ATAD2B: variants seen among roughly 807,000 people sequenced by gnomAD.
The protein encoded by ATAD2B is ATPase family AAA domain containing 2B.
Under a neutral mutation model 167.6 loss-of-function variants are expected in ATAD2B, and 40 were observed. The observed-to-expected ratio is 0.24, with a 90% CI of 0.19 to 0.31. ATAD2B has a LOEUF of 0.31. ATAD2B is among the 10% of genes least tolerant of loss of function. ATAD2B has a pLI of 1.00. For synonymous variants in ATAD2B, 579 were observed against 596.5 expected (o/e 0.97, Z 0.43); for missense variants, 1,242 against 1,757.2 (o/e 0.71, Z 5.24).
intron 16 of ATAD2B, among the ~76,000 whole-genome samples, chr2:23,820,090 T>C (rs1300440602): frequency 6.6e-6 from 1 of 152,018 alleles, no homozygotes; most frequent in African/African-American, 2.4e-5. Context: ...ACTATTTACT[T>C]AAGTGTTATG....
intron 18 of ATAD2B, among the ~76,000 whole-genome samples, chr2:23,807,826 AAAAT>A (rs1246823149): frequency 1.6e-5 from 2 of 122,048 alleles, no homozygotes; most frequent in Non-Finnish European, 3.2e-5. Flanking sequence ...AAAAAAAAAA[AAAAT>A]ATATATATAT....
intron 15 of ATAD2B, among the ~76,000 whole-genome samples, chr2:23,825,525 T>C (rs541093557): frequency 6.6e-6 from 1 of 152,326 alleles, no homozygotes; most frequent in Non-Finnish European, 1.5e-5. Context: ...TCCTTTTGCA[T>C]ATATACCCAT....
chr2:23,847,881 T>C (rs1448261149), intron 13 of ATAD2B, among the ~76,000 whole-genome samples: 2 of 149,034 alleles, frequency 1.3e-5, no homozygotes, highest in Non-Finnish European at 3.0e-5. Context: ...TAGCCCCAGC[T>C]ACTCGGGAGG....
rs1287027615 is a variant in ATAD2B, at chr2:23,780,025, A to C, written c.3133+2844T>G. 2.0e-5 allele frequency among the ~76,000 whole-genome samples: 3 copies of C among 152,192 alleles called. No homozygotes were observed. In the East Asian group the frequency reaches 5.8e-4, roughly 29 times the overall value. On this transcript the variant is annotated intron_variant, in intron 22 of 27. Transcript: ENST00000238789. ...TTTGGGAGGCCAAGGTGGGCAGATC[A>C]CTTGAACCCAGGAGTTTGAGACCAG...
At chr2:23,742,545 G>C in the ATAD2B span, among the ~76,000 whole-genome samples, 1 of 130,484 alleles carries the variant, frequency 7.7e-6, no homozygotes, top group African/African-American at 2.9e-5. Flanking sequence ...CACACACCAG[G>C]GACAGTTGTG....
At chr2:23,770,032 G>A (rs1048493523) in intron 22 of ATAD2B, among the ~76,000 whole-genome samples, 11 of 151,536 alleles carry the variant, frequency 7.3e-5, no homozygotes, top group African/African-American at 1.2e-4. Flanking sequence ...GAGGTTGACC[G>A]GACACAGTAG....
At chr2:23,821,036 C>A (rs1339393452) in intron 16 of ATAD2B, among the ~76,000 whole-genome samples, 1 of 151,986 alleles carries the variant, frequency 6.6e-6, no homozygotes, top group African/African-American at 2.4e-5. Context: ...ATTTCATACA[C>A]AAGGAAATAT....
At chr2:23,737,593 G>A in the ATAD2B span, among the ~76,000 whole-genome samples, 1 of 150,224 alleles carries the variant, frequency 6.7e-6, no homozygotes, top group South Asian at 2.1e-4. Flanking sequence ...CACAAAGATG[G>A]GGGAAAAAAC....
chr2:23,693,834 C>A, the ATAD2B span, among the ~76,000 whole-genome samples: 1 of 152,162 alleles, frequency 6.6e-6, no homozygotes, highest in Admixed American at 6.5e-5. Context: ...TGGAGGAGCC[C>A]ATACCTGCTC....
At chr2:23,728,940 G>A in the ATAD2B span, among the ~76,000 whole-genome samples, 1 of 152,140 alleles carries the variant, frequency 6.6e-6, no homozygotes, top group Non-Finnish European at 1.5e-5. Flanking sequence ...GCATGGCTGG[G>A]GAGGCCTCAG....
At chr2:23,830,289 T>C in intron 14 of ATAD2B, among the ~76,000 whole-genome samples, 1 of 152,140 alleles carries the variant, frequency 6.6e-6, no homozygotes, top group Non-Finnish European at 1.5e-5. Flanking sequence ...CAGCCTAAAA[T>C]AGTTTTCTTA....
the ATAD2B span, chr2:23,696,271 C>T: frequency 3.1e-5 from 47 of 1,508,924 alleles, no homozygotes; most frequent in Non-Finnish European, 4.0e-5. The surrounding 1 kb of genome is among the most constrained non-coding windows in gnomAD (Gnocchi z 5.5). Context: ...TGGGGCTGGG[C>T]CTGCTGACCC....
rs138299831 is a variant in ATAD2B, at chr2:23,898,737, T to G, written c.217-2767A>C. On this transcript the variant is annotated intron_variant, in intron 1 of 27. Transcript: ENST00000238789. ...AATATCTGTGACCAGGCACAGTGGC[T>G]CACACATGAAATCCCAAAACTTTGA... Among the ~76,000 whole-genome samples, 25 of 152,340 alleles carry G rather than the reference T, an allele frequency of 1.6e-4. No homozygotes were observed. The East Asian group carries it at 4.8e-3, about 29-fold the overall frequency.
chr2:23,712,949 A>ACCGTGGGCCGCC, the ATAD2B span, among the ~76,000 whole-genome samples: 2 of 151,962 alleles, frequency 1.3e-5, no homozygotes, highest in Non-Finnish European at 2.9e-5. Flanking sequence ...TCCACCTCCC[A>ACCGTGGGCCGCC]CCATGGGCCG....
At chr2:23,777,064 T>C (rs574841069) in intron 22 of ATAD2B, among the ~76,000 whole-genome samples, 1 of 151,734 alleles carries the variant, frequency 6.6e-6, no homozygotes, top group East Asian at 1.9e-4. Context: ...GGAGAGAAAA[T>C]TTGGACACAC....
chr2:23,887,265 C>T (rs12471864), intron 4 of ATAD2B, among the ~76,000 whole-genome samples: 111,841 of 152,036 alleles, frequency 0.74, 41,536 homozygotes, highest in East Asian at 0.85. Context: ...TCTCACTATG[C>T]TGCCGTGACT....
intron 15 of ATAD2B, among the ~76,000 whole-genome samples, chr2:23,826,787 T>C (rs1173267118): frequency 6.6e-6 from 1 of 152,212 alleles, no homozygotes; most frequent in Non-Finnish European, 1.5e-5. Context: ...AGTTTCCTAC[T>C]ATTTATGCAA....
intron 7 of ATAD2B, among the ~76,000 whole-genome samples, chr2:23,876,275 A>G (rs563093693): frequency 2.1e-4 from 32 of 148,850 alleles, no homozygotes; most frequent in Non-Finnish European, 4.3e-4. Flanking sequence ...TACAGGCATG[A>G]GCCACCGGGC....
At chr2:23,797,518 T>A (rs1255394246) in intron 19 of ATAD2B, among the ~76,000 whole-genome samples, 2 of 152,120 alleles carry the variant, frequency 1.3e-5, no homozygotes, top group East Asian at 3.8e-4. Context: ...ATGAAAAGGA[T>A]ATAACTGATA....
Sources: allele counts gnomAD v4.1 joint callset (sites outside exome capture counted in the v4.1 genomes callset), GRCh38; gene constraint gnomAD v4.1.1; non-coding constraint Gnocchi (gnomAD v3.1); transcripts MANE v1.5; gene names NCBI Gene and HGNC (gene_info 2026-07-23, HGNC 2026-07-21).